UNC5D: variants seen among roughly 807,000 people sequenced by gnomAD.
UNC5D encodes the protein unc-5 netrin receptor D, also known as netrin receptor UNC5D.
In UNC5D, 39 loss-of-function variants were observed where a neutral mutation model predicts 105.4. The observed-to-expected ratio is 0.37, with a 90% CI of 0.29 to 0.48. The LOEUF (loss-of-function observed/expected upper bound fraction) is 0.48, where lower values mean the gene tolerates loss of function less well. Among genes scored for constraint, UNC5D ranks in the 20% least tolerant of loss-of-function variants. The pLI is 0.98. For missense variants in UNC5D, 991 were observed against 1,202.4 expected, an observed-to-expected ratio of 0.82 and a Z score of 2.60; for synonymous variants, 452 against 450.4, an observed-to-expected ratio of 1.00 and a Z score of -0.04.
chr8:35,350,106 A>G lies in UNC5D; in HGVS notation c.103+114219A>G, dbSNP rs1373419950. Among the ~76,000 whole-genome samples the G allele has an allele frequency of 5.3e-5, 8 of 151,962 alleles. No individual in the cohort carries two copies. In the South Asian group the frequency reaches 1.0e-3, roughly 20 times the overall value. The stretch of plus-strand genomic sequence containing the variant: ...TGGATCTCCCGAAAGAGTCTTGGGA[A>G]CCCCCAGAGTTCTGGAAACCATGTT... On this transcript the variant is annotated intron_variant, in intron 1 of 16. Transcript: ENST00000404895.
chr8:35,587,374 C>A (rs181732264), intron 3 of UNC5D, among the ~76,000 whole-genome samples: 69 of 152,294 alleles, frequency 4.5e-4, no homozygotes, highest in African/African-American at 1.6e-3. Context: ...TTGCACATAT[C>A]TGTTCATGGT....
rs1008626113 is a variant in UNC5D at position 35,792,203 on chromosome 8, A to G, written c.*1640A>G. ...ACAAGTTTTTTGTAGATCCCTTGTA[A>G]AATAATAATAATAATGTTGTGAATC... is the stretch of plus-strand genomic sequence containing the variant. On this transcript the variant is annotated 3_prime_UTR_variant, in exon 17 of 17. Coordinates refer to ENST00000404895, the MANE Select transcript of UNC5D (RefSeq NM_080872.4). 1 of 152,002 alleles carries G rather than the reference A, an allele frequency of 6.6e-6. No individual in the cohort carries two copies. The highest frequency in any genetic ancestry group is 1.5e-5 in the Non-Finnish European group (1 of 67,990). 9.4% of individuals were successfully genotyped at this position (152,002 alleles called of 1,614,324 possible).
Position 35,791,102 on chromosome 8 carries a change from A to ATACG in UNC5D, c.*539_*540insTACG. On this transcript the variant is annotated 3_prime_UTR_variant, in exon 17 of 17. Transcript: ENST00000404895. ...GAGGGCATTTAGAATTTAGAATCTG[A>ATACG]GCACATCACACCAGCACCAGCTCCC... 1.1e-5 allele frequency: 2 copies of ATACG among 176,992 alleles called. No individual in the cohort carries two copies. The highest frequency in any genetic ancestry group is 1.3e-4 in the South Asian group (1 of 7,632). The allele number at this position is 176,992 out of a possible 1,614,324, so 11.0% of individuals were successfully genotyped here.
chr8:35,261,676 G>A (rs1201683562), intron 1 of UNC5D, among the ~76,000 whole-genome samples: 1 of 152,044 alleles, frequency 6.6e-6, no homozygotes, highest in African/African-American at 2.4e-5. Context: ...GCTCATTACC[G>A]ATTCAGGATA....
chr8:35,570,573 A>C (rs1817647508), intron 3 of UNC5D, among the ~76,000 whole-genome samples: 1 of 152,094 alleles, frequency 6.6e-6, no homozygotes, highest in African/African-American at 2.4e-5. Flanking sequence ...ATTTTTCTTT[A>C]GATTATGGAT....
chr8:35,506,917 G>A (rs1812340104), intron 1 of UNC5D, among the ~76,000 whole-genome samples: 2 of 152,022 alleles, frequency 1.3e-5, no homozygotes, highest in East Asian at 1.9e-4. Flanking sequence ...AAATGATACC[G>A]GCCATGTTGC....
intron 11 of UNC5D, among the ~76,000 whole-genome samples, chr8:35,734,243 G>A (rs946044755): frequency 2.0e-5 from 3 of 149,724 alleles, no homozygotes; most frequent in African/African-American, 5.0e-5. Context: ...CCTGGATCAA[G>A]GGTATGTAAG....
intron 4 of UNC5D, among the ~76,000 whole-genome samples, chr8:35,664,214 C>T (rs986423555): frequency 6.6e-6 from 1 of 152,116 alleles, no homozygotes; most frequent in Non-Finnish European, 1.5e-5. Flanking sequence ...CAACCTAAAG[C>T]CCACAAAGAA....
intron 1 of UNC5D, among the ~76,000 whole-genome samples, chr8:35,465,983 T>A (rs888325563): frequency 6.6e-6 from 1 of 152,176 alleles, no homozygotes; most frequent in Non-Finnish European, 1.5e-5. Context: ...TAGGGTTATT[T>A]TCCTATAGTA....
At chr8:35,750,880 T>A (rs1830250206) in intron 13 of UNC5D, 71 bp downstream of exon 13, 4 of 1,578,874 alleles carry the variant, frequency 2.5e-6, no homozygotes, top group Non-Finnish European at 3.5e-6. Context: ...TCAGTATCAA[T>A]TGAAAATTTT....
intron 1 of UNC5D, among the ~76,000 whole-genome samples, chr8:35,332,762 T>G (rs1810723257): frequency 6.6e-6 from 1 of 152,154 alleles, no homozygotes; most frequent in Admixed American, 6.5e-5. Context: ...CGGTCCCCAC[T>G]CTTACATGAA....
intron 1 of UNC5D, among the ~76,000 whole-genome samples, chr8:35,486,591 T>C (rs1047926250): frequency 6.6e-6 from 1 of 152,190 alleles, no homozygotes; most frequent in Non-Finnish European, 1.5e-5. Flanking sequence ...ACTGGTTTGG[T>C]CCATGAGATC....
chr8:35,671,557 A>G (rs1586386604), intron 4 of UNC5D, among the ~76,000 whole-genome samples: 1 of 152,254 alleles, frequency 6.6e-6, no homozygotes, highest in Non-Finnish European at 1.5e-5. Context: ...TGGAGAGAGC[A>G]CAAGAGGCGA....
At chr8:35,471,425 C>T (rs1355481248) in intron 1 of UNC5D, among the ~76,000 whole-genome samples, 4 of 152,040 alleles carry the variant, frequency 2.6e-5, no homozygotes, top group African/African-American at 9.7e-5. Flanking sequence ...ACAAAGCATT[C>T]AGTGAGGTTT....
At chr8:35,322,205 G>A (rs1809802745) in intron 1 of UNC5D, among the ~76,000 whole-genome samples, 1 of 152,198 alleles carries the variant, frequency 6.6e-6, no homozygotes, top group African/African-American at 2.4e-5. Flanking sequence ...TATTTCCTTG[G>A]CCATGGATTT....
intron 4 of UNC5D, among the ~76,000 whole-genome samples, chr8:35,621,269 T>C (rs1410057502): frequency 6.6e-6 from 1 of 152,142 alleles, no homozygotes; most frequent in Non-Finnish European, 1.5e-5. Flanking sequence ...CATCAACAGA[T>C]AGTCGTTAAC....
chr8:35,422,555 T>C (rs1528722), intron 1 of UNC5D, among the ~76,000 whole-genome samples: 77,404 of 152,094 alleles, frequency 0.51, 20,141 homozygotes, highest in African/African-American at 0.61. Context: ...GTCTTGCAAT[T>C]GATGCTAAAA....
intron 1 of UNC5D, among the ~76,000 whole-genome samples, chr8:35,407,234 G>T (rs191429660): frequency 6.6e-6 from 1 of 152,018 alleles, no homozygotes; most frequent in Admixed American, 6.6e-5. Flanking sequence ...CTAAGTTTGT[G>T]TAAGTGTACT....
intron 4 of UNC5D, among the ~76,000 whole-genome samples, chr8:35,660,600 T>G (rs1292169100): frequency 6.6e-6 from 1 of 152,176 alleles, no homozygotes; most frequent in African/African-American, 2.4e-5. Flanking sequence ...GGAGTTAGCT[T>G]ATGTTGTAAA....
Sources: gnomAD v4.1 joint callset for allele counts (sites outside exome capture counted in the v4.1 genomes callset) on GRCh38, gnomAD v4.1.1 for gene constraint, MANE v1.5 for transcripts, NCBI Gene and HGNC (gene_info 2026-07-23, HGNC 2026-07-21) for gene names.